Variants in SPTLC1 observed in about 807,000 individuals in gnomAD.
SPTLC1 encodes the protein serine palmitoyltransferase long chain base subunit 1, also known as serine palmitoyltransferase 1.
In SPTLC1, 55 loss-of-function variants were observed where a neutral mutation model predicts 68.9. The observed-to-expected ratio is 0.80, with a 90% CI of 0.64 to 1.00. The LOEUF (loss-of-function observed/expected upper bound fraction) is 1.00, where lower values mean the gene tolerates loss of function less well. SPTLC1 is among the 50% of genes least tolerant of loss of function. SPTLC1 has a pLI of 0.00. For missense variants in SPTLC1, 449 were observed against 573.1 expected (o/e 0.78, Z 2.21); for synonymous variants, 197 against 201.6 (o/e 0.98, Z 0.19).
chr9:92,085,157 G>A (rs1467744169), intron 3 of SPTLC1, among the ~76,000 whole-genome samples: 3 of 150,354 alleles, frequency 2.0e-5, no homozygotes, highest in South Asian at 2.1e-4. Context: ...TCTTGCTAGC[G>A]GTCTATCAAT....
intron 6 of SPTLC1, among the ~76,000 whole-genome samples, chr9:92,064,259 T>C (rs1378796413): frequency 6.6e-6 from 1 of 152,140 alleles, no homozygotes; most frequent in Non-Finnish European, 1.5e-5. Context: ...GATAAAGAAC[T>C]ATGATCTAGA....
At chr9:92,110,031 G>T (rs755558050) in intron 2 of SPTLC1, 1 of 152,122 alleles carries the variant, frequency 6.6e-6, no homozygotes, top group African/African-American at 2.4e-5. Context: ...GACGCCACTT[G>T]ATATTGACAC....
At chr9:92,087,630 G>A (rs532323944) in intron 3 of SPTLC1, among the ~76,000 whole-genome samples, 48 of 152,282 alleles carry the variant, frequency 3.2e-4, no homozygotes, top group African/African-American at 1.1e-3. Context: ...GTACCCAGCC[G>A]TGTGAGGTGT....
chr9:92,038,298 T>C lies in SPTLC1; in HGVS notation c.1204A>G (p.Thr402Ala), dbSNP rs781421635. The change falls in exon 13 of 15, where the codon ACT becomes GCT. Residue 402 changes from threonine to alanine, a missense_variant. Coordinates refer to ENST00000262554, the MANE Select transcript of SPTLC1 (RefSeq NM_006415.4). ...PAFHLQLEESTGSREQDVRLL... is the reference protein window; with the variant it reads ...PAFHLQLEESAGSREQDVRLL... ...CTGACATCTTGCTCGCGAGACCCAGTGCTCTCTTCCAGTTGTAGGTGAAAG... is the reference window on the plus strand; with the variant it reads ...CTGACATCTTGCTCGCGAGACCCAGCGCTCTCTTCCAGTTGTAGGTGAAAG... The C allele has an allele frequency of 1.9e-6, 3 of 1,614,226 alleles. No homozygotes were observed. The highest frequency in any genetic ancestry group is 4.5e-5 in the East Asian group (2 of 44,888).
chr9:92,036,235 G>C (rs1833135133), intron 13 of SPTLC1, among the ~76,000 whole-genome samples: 1 of 152,182 alleles, frequency 6.6e-6, no homozygotes, highest in South Asian at 2.1e-4. Flanking sequence ...TTCCTTAAGA[G>C]AGCCAGTATC....
chr9:92,080,561 T>C (rs1196260873), intron 4 of SPTLC1, among the ~76,000 whole-genome samples: 7 of 152,160 alleles, frequency 4.6e-5, no homozygotes, highest in Non-Finnish European at 8.8e-5. Flanking sequence ...TTTTTGGAGA[T>C]AGAGTCTCGC....
At position 92,051,249 on chromosome 9, in the gene SPTLC1, G is replaced by C. The variant is rs542083939; in HGVS notation, c.781-1182C>G. 1.9e-5 allele frequency: 19 copies of C among 984,242 alleles called. No homozygotes were observed. In the East Asian group the frequency reaches 1.9e-3, roughly 100 times the overall value. The allele number at this position is 984,242 out of a possible 1,614,324, so 61.0% of individuals were successfully genotyped here. A position where few individuals can be genotyped will look rare whatever the true frequency, so the allele number is the denominator to read the frequency against. Reference sequence around the variant, plus strand: ...AAACAACATATGGAACCCTTATTTTGAATCCTTATTCAATTAATAGACTCC... The same window carrying C: ...AAACAACATATGGAACCCTTATTTTCAATCCTTATTCAATTAATAGACTCC... On this transcript the variant is annotated intron_variant, in intron 8 of 14. Transcript: ENST00000262554.
intron 3 of SPTLC1, among the ~76,000 whole-genome samples, chr9:92,086,102 T>C (rs1170065618): frequency 6.6e-6 from 1 of 151,902 alleles, no homozygotes; most frequent in Non-Finnish European, 1.5e-5. Flanking sequence ...TTGGTAGATC[T>C]TCCTCCATCC....
Position 92,106,712 on chromosome 9 carries a change from C to T in SPTLC1, c.260+2028G>A, listed in dbSNP as rs367949496. ...TGATATCCATAATTCCTAACTCTTC[C>T]CTGGCTCTTCCCACTGACCTTGCCC... On this transcript the variant is annotated intron_variant, in intron 3 of 14. Transcript: ENST00000262554. Among the ~76,000 whole-genome samples the T allele has an allele frequency of 8.5e-5, 13 of 152,102 alleles. No individual in the cohort carries two copies. The East Asian group carries it at 1.5e-3, about 18-fold the overall frequency.
At chr9:92,046,121 T>C in intron 11 of SPTLC1, 68 bp from the exon 12 acceptor site, 1 of 1,298,184 alleles carries the variant, frequency 7.7e-7, no homozygotes, top group Non-Finnish European at 1.1e-6. Flanking sequence ...AAAATATTTT[T>C]GAAGACCCAG....
intron 14 of SPTLC1, 30 bp from the exon 15 acceptor site, chr9:92,032,588 T>C (rs771121869): frequency 5.5e-5 from 89 of 1,613,058 alleles, no homozygotes; most frequent in Non-Finnish European, 5.8e-5. Flanking sequence ...CAAAGAATTA[T>C]CTTTGTGGGC....
At chr9:92,102,473 T>G (rs1835790775) in intron 3 of SPTLC1, among the ~76,000 whole-genome samples, 1 of 152,210 alleles carries the variant, frequency 6.6e-6, no homozygotes, top group Non-Finnish European at 1.5e-5. Flanking sequence ...CAATGAGTTA[T>G]TAATAAACAC....
intron 3 of SPTLC1, among the ~76,000 whole-genome samples, chr9:92,094,588 T>C (rs1202247310): frequency 1.3e-5 from 2 of 152,238 alleles, no homozygotes; most frequent in Non-Finnish European, 2.9e-5. Context: ...CTATGATTTC[T>C]GAGATTATCT....
intron 3 of SPTLC1, among the ~76,000 whole-genome samples, chr9:92,086,397 T>C (rs1156573254): frequency 2.0e-5 from 3 of 152,250 alleles, no homozygotes; most frequent in East Asian, 1.9e-4. Flanking sequence ...TTCCTTTCCA[T>C]GTTTAATGCT....
chr9:92,078,985 T>C (rs149857324), intron 5 of SPTLC1: 91 of 900,922 alleles, frequency 1.0e-4, no homozygotes, highest in Middle Eastern at 1.1e-3. Flanking sequence ...GGATGGAAGA[T>C]GGAAGATATT....
At chr9:92,086,801 T>C (rs1204560924) in intron 3 of SPTLC1, among the ~76,000 whole-genome samples, 3 of 152,198 alleles carry the variant, frequency 2.0e-5, no homozygotes, top group Non-Finnish European at 4.4e-5. Flanking sequence ...CCTTGCTAGA[T>C]TGGGGAAGTT....
chr9:92,107,464 A>G (rs1282587368), intron 3 of SPTLC1, among the ~76,000 whole-genome samples: 1 of 152,234 alleles, frequency 6.6e-6, no homozygotes, highest in African/African-American at 2.4e-5. Flanking sequence ...AAAGATTGGT[A>G]AATTTGGGCC....
chr9:92,075,971 T>A (rs900730794), intron 5 of SPTLC1, among the ~76,000 whole-genome samples: 2 of 152,188 alleles, frequency 1.3e-5, no homozygotes, highest in African/African-American at 2.4e-5. Context: ...TGATGGCAGT[T>A]CTTCAAAAAC....
Position 92,112,388 on chromosome 9 carries a change from C to T in SPTLC1, c.165+67G>A. The T allele has an allele frequency of 2.6e-6, 3 of 1,162,932 alleles. No homozygotes were observed. In the South Asian group the frequency reaches 3.7e-5, roughly 15 times the overall value. 72.0% of individuals were successfully genotyped at this position (1,162,932 alleles called of 1,614,324 possible). A position where few individuals can be genotyped will look rare whatever the true frequency, so the allele number is the denominator to read the frequency against. ...ACACATGGTTGAGCCACCACAAATCCTTTCTGGAAAGACATAGCAACTATA... is the reference window on the plus strand; with the variant it reads ...ACACATGGTTGAGCCACCACAAATCTTTTCTGGAAAGACATAGCAACTATA... On this transcript the variant is annotated intron_variant, in intron 2 of 14. Transcript: ENST00000262554.
Sources: gnomAD v4.1 joint callset for allele counts (sites outside exome capture counted in the v4.1 genomes callset) on GRCh38, gnomAD v4.1.1 for gene constraint, MANE v1.5 for transcripts, NCBI Gene and HGNC (gene_info 2026-07-23, HGNC 2026-07-21) for gene names.